The following SPATA16 variants were observed in gnomAD, a reference collection of about 807,000 sequenced individuals.
SPATA16 encodes spermatogenesis associated 16.
Under a neutral mutation model 63.3 loss-of-function variants are expected in SPATA16, and 36 were observed. The ratio of observed to expected loss-of-function variants is 0.57; its 90% CI spans 0.44 to 0.75. The LOEUF is 0.75. Ranked by LOEUF, SPATA16 falls within the 30% of genes least tolerant of loss-of-function variation. The pLI is 0.00. For synonymous variants in SPATA16, 203 were observed against 216.7 expected (o/e 0.94, Z 0.56); for missense variants, 646 against 679.3 (o/e 0.95, Z 0.54).
chr3:173,054,701 C>T (rs1324481533), intron 2 of SPATA16, among the ~76,000 whole-genome samples: 1 of 151,922 alleles, frequency 6.6e-6, no homozygotes, highest in Non-Finnish European at 1.5e-5. Context: ...CCATGGCACA[C>T]GTGTACGTAT....
intron 1 of SPATA16, among the ~76,000 whole-genome samples, chr3:173,136,551 T>C (rs1224139801): frequency 2.6e-5 from 4 of 152,182 alleles, no homozygotes; most frequent in Admixed American, 1.3e-4. Context: ...GTTAAGTTAT[T>C]ATTGACTGTA....
At chr3:173,012,558 T>G (rs1445581465) in intron 4 of SPATA16, among the ~76,000 whole-genome samples, 2 of 152,142 alleles carry the variant, frequency 1.3e-5, no homozygotes, top group Non-Finnish European at 2.9e-5. Flanking sequence ...CAAAACAGCA[T>G]AGTACTGGTA....
At position 173,050,695 on chromosome 3, in the gene SPATA16, T is replaced by A. The variant is rs1401181709; in HGVS notation, c.613-1601A>T. On this transcript the variant is annotated intron_variant, in intron 2 of 10. Transcript: ENST00000351008. ...GTAGGGGTTTCACCCTCAAATAATTTTTTGGAAAAGTGTCCACTTTTACTC... is the reference window on the plus strand; with the variant it reads ...GTAGGGGTTTCACCCTCAAATAATTATTTGGAAAAGTGTCCACTTTTACTC... 4.6e-5 allele frequency among the ~76,000 whole-genome samples: 7 copies of A among 152,214 alleles called. No individual in the cohort carries two copies. The East Asian group carries it at 1.4e-3, about 29-fold the overall frequency.
chr3:173,045,230 T>C (rs932422363), intron 3 of SPATA16, among the ~76,000 whole-genome samples: 1 of 152,128 alleles, frequency 6.6e-6, no homozygotes, highest in African/African-American at 2.4e-5. Flanking sequence ...GCTATTCTAA[T>C]CTCGGCCTCT....
At chr3:173,056,274 T>C (rs1389479699) in intron 2 of SPATA16, among the ~76,000 whole-genome samples, 1 of 152,268 alleles carries the variant, frequency 6.6e-6, no homozygotes, top group African/African-American at 2.4e-5. Flanking sequence ...ATAATGACTT[T>C]GTCATTTTTG....
intron 6 of SPATA16, among the ~76,000 whole-genome samples, chr3:172,954,688 AG>A (rs1403852741): frequency 2.0e-5 from 3 of 152,156 alleles, no homozygotes; most frequent in Non-Finnish European, 4.4e-5. Context: ...TGGGGGAAAA[AG>A]AGTTATACCT....
intron 5 of SPATA16, 65 bp downstream of exon 5, chr3:172,976,903 A>G (rs1162872665): frequency 2.8e-5 from 37 of 1,312,372 alleles, no homozygotes; most frequent in African/African-American, 4.3e-5. Flanking sequence ...TTAAGCACCA[A>G]TCTTTCATTT....
chr3:172,890,466 T>A (rs1427078321), intron 10 of SPATA16, among the ~76,000 whole-genome samples: 1 of 152,180 alleles, frequency 6.6e-6, no homozygotes, highest in African/African-American at 2.4e-5. Context: ...CTGCATATTG[T>A]ATTAGCCTAA....
At chr3:172,891,742 C>T (rs955062154) in intron 10 of SPATA16, among the ~76,000 whole-genome samples, 6 of 152,058 alleles carry the variant, frequency 3.9e-5, no homozygotes, top group Non-Finnish European at 5.9e-5. Flanking sequence ...TGTTCTATGC[C>T]CCCTCGATCT....
intron 6 of SPATA16, among the ~76,000 whole-genome samples, chr3:172,928,604 T>C (rs1327673983): frequency 6.6e-6 from 1 of 152,202 alleles, no homozygotes. Context: ...CCTTAAATAT[T>C]TGATAGATAG....
chr3:173,070,367 C>T (rs1305514588), intron 2 of SPATA16, among the ~76,000 whole-genome samples: 2 of 145,872 alleles, frequency 1.4e-5, no homozygotes, highest in African/African-American at 5.1e-5. Flanking sequence ...TGCATTCCAG[C>T]TTGGGCAACA....
At chr3:173,052,504 T>G (rs1736128429) in intron 2 of SPATA16, among the ~76,000 whole-genome samples, 1 of 152,228 alleles carries the variant, frequency 6.6e-6, no homozygotes, top group Non-Finnish European at 1.5e-5. Context: ...CGAAGATTGC[T>G]TTATTTATTC....
chr3:173,133,775 C>A (rs1242702535), intron 1 of SPATA16, among the ~76,000 whole-genome samples: 1 of 151,034 alleles, frequency 6.6e-6, no homozygotes, highest in African/African-American at 2.4e-5. Flanking sequence ...GAATTTCAGA[C>A]AAAAAAAGAA....
intron 1 of SPATA16, among the ~76,000 whole-genome samples, chr3:173,137,428 C>T (rs1878004): frequency 0.18 from 27,679 of 152,016 alleles, 2,687 homozygotes; most frequent in Middle Eastern, 0.26. Context: ...CAGATGACCA[C>T]GATGTTAGAC....
intron 4 of SPATA16, among the ~76,000 whole-genome samples, chr3:172,998,682 TA>T (rs980991959): frequency 3.3e-5 from 5 of 152,162 alleles, no homozygotes; most frequent in Non-Finnish European, 7.4e-5. Context: ...AGGTTTTTTG[TA>T]GACTTTTTTT....
intron 4 of SPATA16, among the ~76,000 whole-genome samples, chr3:173,001,159 G>T (rs1158367423): frequency 6.6e-6 from 1 of 152,114 alleles, no homozygotes; most frequent in Non-Finnish European, 1.5e-5. Flanking sequence ...ACTACGACGA[G>T]TAATGTAGTG....
At chr3:173,015,971 A>G (rs1227733934) in intron 4 of SPATA16, among the ~76,000 whole-genome samples, 2 of 152,116 alleles carry the variant, frequency 1.3e-5, no homozygotes, top group African/African-American at 2.4e-5. Flanking sequence ...TTTTGTATGC[A>G]TTGAAACAGA....
intron 4 of SPATA16, among the ~76,000 whole-genome samples, chr3:173,014,087 T>C (rs1735128565): frequency 6.6e-6 from 1 of 152,214 alleles, no homozygotes; most frequent in South Asian, 2.1e-4. Context: ...TCTTGGTGTA[T>C]ACCCAAAGGA....
intron 10 of SPATA16, among the ~76,000 whole-genome samples, chr3:172,892,618 T>C (rs1731914430): frequency 6.6e-6 from 1 of 152,072 alleles, no homozygotes; most frequent in South Asian, 2.1e-4. Context: ...CTTTATTTTC[T>C]TTTTTTTATG....
Sources: gnomAD v4.1 joint callset for allele counts (sites outside exome capture counted in the v4.1 genomes callset) on GRCh38, gnomAD v4.1.1 for gene constraint, MANE v1.5 for transcripts, NCBI Gene and HGNC (gene_info 2026-07-23, HGNC 2026-07-21) for gene names.